The following MCUR1 variants were observed in gnomAD, a reference collection of about 807,000 sequenced individuals.
MCUR1 encodes mitochondrial calcium uniporter regulator 1, also known as MCU regulator 1.
In MCUR1, 37 loss-of-function variants were observed where a neutral mutation model predicts 42.0. The ratio of observed to expected loss-of-function variants is 0.88; its 90% CI spans 0.68 to 1.16. The LOEUF (loss-of-function observed/expected upper bound fraction) is 1.16. MCUR1 is among the 50% of genes most tolerant of loss of function. The pLI is 0.00. For missense variants in MCUR1, 469 were observed against 468.4 expected, an observed-to-expected ratio of 1.00 and a Z score of -0.01; for synonymous variants, 229 against 196.2, an observed-to-expected ratio of 1.17 and a Z score of -1.40.
At chr6:13,798,190 G>T (rs1362323743) in intron 6 of MCUR1, among the ~76,000 whole-genome samples, 2 of 151,364 alleles carry the variant, frequency 1.3e-5, no homozygotes, top group African/African-American at 4.8e-5. Context: ...CTGCCTCCTG[G>T]GTTCAAGCGA....
At chr6:13,807,461 G>T (rs910566721) in intron 1 of MCUR1, among the ~76,000 whole-genome samples, 1 of 152,128 alleles carries the variant, frequency 6.6e-6, no homozygotes, top group African/African-American at 2.4e-5. Context: ...ATGTTTTCAA[G>T]GGTCATCCGT....
intron 3 of MCUR1, among the ~76,000 whole-genome samples, chr6:13,801,828 G>C (rs1294154926): frequency 6.6e-6 from 1 of 152,018 alleles, no homozygotes; most frequent in East Asian, 1.9e-4. Context: ...ACTCCAGCCT[G>C]GGCAAATGAG....
intron 5 of MCUR1, among the ~76,000 whole-genome samples, chr6:13,799,347 G>A (rs1218576399): frequency 5.9e-5 from 9 of 152,118 alleles, no homozygotes; most frequent in Non-Finnish European, 1.2e-4. Flanking sequence ...ACCACGTCTG[G>A]CTAATTTTTG....
At chr6:13,792,055 T>C in intron 7 of MCUR1, 63 bp from the exon 8 acceptor site, 2 of 1,245,746 alleles carry the variant, frequency 1.6e-6, no homozygotes, top group Non-Finnish European at 2.3e-6. Flanking sequence ...CACCATCCTA[T>C]AGCTCCTTCC....
intron 1 of MCUR1, among the ~76,000 whole-genome samples, chr6:13,810,825 T>C (rs545517031): frequency 6.6e-5 from 10 of 152,318 alleles, no homozygotes; most frequent in South Asian, 2.1e-4. Flanking sequence ...CAATGACTTA[T>C]GTGTGTTTGT....
chr6:13,797,355 C>T (rs996898579), intron 6 of MCUR1, among the ~76,000 whole-genome samples: 2 of 152,170 alleles, frequency 1.3e-5, no homozygotes, highest in African/African-American at 4.8e-5. Flanking sequence ...AGCAAGAAGA[C>T]GGCTGAATAT....
chr6:13,813,415 A>G (rs1379555765), intron 1 of MCUR1, among the ~76,000 whole-genome samples: 1 of 152,134 alleles, frequency 6.6e-6, no homozygotes, highest in Non-Finnish European at 1.5e-5. Context: ...GTATATATAA[A>G]TTATATATAC....
intron 1 of MCUR1, among the ~76,000 whole-genome samples, chr6:13,811,571 C>G (rs1487520750): frequency 2.0e-5 from 3 of 152,076 alleles, no homozygotes; most frequent in Admixed American, 6.5e-5. Context: ...GAGACCTAGC[C>G]TGAGAAACAG....
At chr6:13,801,136 T>C (rs543407478) in intron 4 of MCUR1, 152 bp downstream of exon 4, 1 of 604,508 alleles carries the variant, frequency 1.7e-6, no homozygotes, top group South Asian at 2.0e-5. Flanking sequence ...TCTGGGACAG[T>C]GGGCAAGTTT....
At chr6:13,800,792 T>C (rs948536763) in intron 4 of MCUR1, among the ~76,000 whole-genome samples, 2 of 152,204 alleles carry the variant, frequency 1.3e-5, no homozygotes, top group African/African-American at 4.8e-5. Context: ...TATGGGACTT[T>C]AAATAGGACC....
At chr6:13,804,763 C>T (rs1244476855) in intron 2 of MCUR1, among the ~76,000 whole-genome samples, 2 of 131,276 alleles carry the variant, frequency 1.5e-5, no homozygotes, top group Non-Finnish European at 3.1e-5. Context: ...GTACTCCAGC[C>T]TGGAAGACAG....
chr6:13,792,017 C>T (rs575463562), intron 7 of MCUR1, 25 bp from the exon 8 acceptor site: 57 of 1,565,250 alleles, frequency 3.6e-5, no homozygotes, highest in Middle Eastern at 3.3e-4. Flanking sequence ...AGAGTCACAG[C>T]GTTAGACCAC....
chr6:13,795,284 C>T (rs12527364), intron 6 of MCUR1, among the ~76,000 whole-genome samples: 3,530 of 152,130 alleles, frequency 0.023, 192 homozygotes, highest in East Asian at 0.22. Flanking sequence ...CACTAGAGGG[C>T]GGCGTGGAAC....
chr6:13,809,459 C>T (rs888495306), intron 1 of MCUR1, among the ~76,000 whole-genome samples: 3 of 152,106 alleles, frequency 2.0e-5, no homozygotes, highest in Admixed American at 6.5e-5. Flanking sequence ...TTTTACATTA[C>T]CTTTTCTATA....
chr6:13,797,572 G>A (rs1294849034), intron 6 of MCUR1, among the ~76,000 whole-genome samples: 4 of 152,060 alleles, frequency 2.6e-5, no homozygotes, highest in African/African-American at 9.7e-5. Flanking sequence ...GCTGGGCGTG[G>A]TGGCAGGGGC....
At chr6:13,811,667 G>T (rs1760237442) in intron 1 of MCUR1, among the ~76,000 whole-genome samples, 1 of 152,136 alleles carries the variant, frequency 6.6e-6, no homozygotes, top group South Asian at 2.1e-4. Context: ...ACTGCCCCAT[G>T]TGTCAGGGAG....
intron 1 of MCUR1, among the ~76,000 whole-genome samples, chr6:13,807,384 G>A (rs1014144122): frequency 6.6e-6 from 1 of 152,006 alleles, no homozygotes; most frequent in Non-Finnish European, 1.5e-5. Context: ...TACCTACTCT[G>A]AAGATTTCAT....
chr6:13,794,872 C>G (rs530087120), intron 6 of MCUR1, among the ~76,000 whole-genome samples: 1 of 152,126 alleles, frequency 6.6e-6, no homozygotes, highest in South Asian at 2.1e-4. Flanking sequence ...GTTAAAGTAT[C>G]TCGCCTTTTG....
chr6:13,794,611 T>C (rs576121950), intron 6 of MCUR1, among the ~76,000 whole-genome samples: 54 of 149,540 alleles, frequency 3.6e-4, no homozygotes, highest in Non-Finnish European at 5.8e-4. Context: ...TGTAAATACA[T>C]AAATACACTA....
Sources: gnomAD v4.1 joint callset for allele counts (sites outside exome capture counted in the v4.1 genomes callset) on GRCh38, gnomAD v4.1.1 for gene constraint, MANE v1.5 for transcripts, NCBI Gene and HGNC (gene_info 2026-07-23, HGNC 2026-07-21) for gene names.